CNTN4: variants seen among roughly 807,000 people sequenced by gnomAD.
The protein encoded by CNTN4 is contactin 4, also known as contactin-4.
CNTN4 carries 77 observed loss-of-function variants against 122.5 expected under a neutral mutation model. The ratio of observed to expected loss-of-function variants is 0.63; its 90% confidence interval spans 0.52 to 0.76. The LOEUF is 0.76. Among genes scored for constraint, CNTN4 ranks in the 30% least tolerant of loss-of-function variants. The pLI, the probability that CNTN4 is intolerant of heterozygous loss-of-function variation, is 0.00. For missense variants in CNTN4, 1,256 were observed against 1,259.1 expected (o/e 1.00, Z 0.04); for synonymous variants, 512 against 447.0 (o/e 1.15, Z -1.83).
At chr3:3,015,351 G>C (rs9865585) in intron 14 of CNTN4, among the ~76,000 whole-genome samples, 16,619 of 152,044 alleles carry the variant, frequency 0.11, 928 homozygotes, top group South Asian at 0.15. Context: ...AGACTGTTGG[G>C]GGTGGGGGAG....
At chr3:2,993,977 G>A (rs191004942) in intron 14 of CNTN4, among the ~76,000 whole-genome samples, 1 of 152,300 alleles carries the variant, frequency 6.6e-6, no homozygotes. Flanking sequence ...GATTGAGAGG[G>A]AGGAGGAAAA....
rs754857917 is a variant in CNTN4 at position 2,154,242 on chromosome 3, G to A, written c.-145+53603G>A. On this transcript the variant is annotated intron_variant, in intron 2 of 24. Coordinates refer to ENST00000418658, the MANE Select transcript of CNTN4 (RefSeq NM_175607.3). ...TCTACAAAAAATACAAACATTAACC[G>A]GATGTGGTGGTGGGCGCCTGTAATC... is the stretch of plus-strand genomic sequence containing the variant. Among the ~76,000 whole-genome samples the A allele has an allele frequency of 5.3e-5, 8 of 151,832 alleles. No individual in the cohort carries two copies. The South Asian group carries it at 6.2e-4, about 12-fold the overall frequency.
At position 2,916,168 on chromosome 3, in the gene CNTN4, TTTATG is replaced by T. The variant is rs1317544189; in HGVS notation, c.1208-9454_1208-9450del. On this transcript the variant is annotated intron_variant, in intron 12 of 24. Transcript: ENST00000418658. ...TGTAAACATTGTCAAGATGGTAAATTTTATGTTATGTACTTTTTTTTTCTTTTTCT... is the reference window on the plus strand; with the variant it reads ...TGTAAACATTGTCAAGATGGTAAATTTTATGTACTTTTTTTTTCTTTTTCT... Among the ~76,000 whole-genome samples the T allele has an allele frequency of 3.3e-5, 5 of 152,346 alleles. 1 individual carries two copies. In the South Asian group the frequency reaches 6.2e-4, roughly 19 times the overall value.
intron 6 of CNTN4, among the ~76,000 whole-genome samples, chr3:2,807,512 A>G (rs532414743): frequency 6.6e-6 from 1 of 152,038 alleles, no homozygotes; most frequent in African/African-American, 2.4e-5. Flanking sequence ...TTTAACTGGT[A>G]TACAGCTAAT....
intron 2 of CNTN4, among the ~76,000 whole-genome samples, chr3:2,300,560 CTTTTTTTTTTTTTTTTTT>C (rs575192976): frequency 0.033 from 2,069 of 62,076 alleles, 89 homozygotes; most frequent in African/African-American, 0.11. Context: ...CAGTGACCGT[CTTTTTTTTTTTTTTTTTT>C]TTTTTTTTTT....
Position 2,440,432 on chromosome 3 carries a change from T to G in CNTN4, c.-89+101199T>G, listed in dbSNP as rs967585906. On this transcript the variant is annotated intron_variant, in intron 3 of 24. Transcript: ENST00000418658. The stretch of plus-strand genomic sequence containing the variant: ...GTCATTTGTCATTGTGTGTCTTTGT[T>G]TAGATATGACCTTAATACATATTGT... 7.9e-5 allele frequency among the ~76,000 whole-genome samples: 12 copies of G among 152,298 alleles called. No homozygotes were observed. In the South Asian group the frequency reaches 8.3e-4, roughly 11 times the overall value.
At chr3:2,240,208 A>G (rs1240353436) in intron 2 of CNTN4, among the ~76,000 whole-genome samples, 1 of 152,192 alleles carries the variant, frequency 6.6e-6, no homozygotes, top group African/African-American at 2.4e-5. Flanking sequence ...CCATTTAAAA[A>G]ACTAAATTAT....
chr3:2,230,200 C>G (rs1055230399), intron 2 of CNTN4, among the ~76,000 whole-genome samples: 8 of 152,158 alleles, frequency 5.3e-5, no homozygotes, highest in East Asian at 1.9e-4. Context: ...TATTTTTGCT[C>G]CAGTTTGGAT....
At chr3:2,241,948 C>T (rs1021751779) in intron 2 of CNTN4, among the ~76,000 whole-genome samples, 3 of 152,048 alleles carry the variant, frequency 2.0e-5, no homozygotes, top group African/African-American at 4.8e-5. Context: ...GATAAATCAT[C>T]TCATGTCATC....
At chr3:2,644,892 T>C (rs1473712846) in intron 4 of CNTN4, among the ~76,000 whole-genome samples, 5 of 150,216 alleles carry the variant, frequency 3.3e-5, no homozygotes, top group African/African-American at 4.9e-5. Flanking sequence ...CATCTAGTAT[T>C]ATTCTGCTTG....
At chr3:2,839,454 T>A (rs1314659722) in intron 7 of CNTN4, among the ~76,000 whole-genome samples, 1 of 150,840 alleles carries the variant, frequency 6.6e-6, no homozygotes, top group Non-Finnish European at 1.5e-5. Context: ...CAGAAAGAGG[T>A]CGGATGCTGT....
intron 2 of CNTN4, among the ~76,000 whole-genome samples, chr3:2,140,984 A>ATACAGTCTTCAAAGT (rs2034966595): frequency 6.6e-6 from 1 of 152,228 alleles, no homozygotes; most frequent in South Asian, 2.1e-4. Context: ...CACACTCAGC[A>ATACAGTCTTCAAAGT]TACAGTCTTC....
intron 6 of CNTN4, among the ~76,000 whole-genome samples, chr3:2,815,482 T>C (rs1168745919): frequency 6.6e-6 from 1 of 151,950 alleles, no homozygotes; most frequent in African/African-American, 2.4e-5. Context: ...CCAAAAAACA[T>C]AGGAAAAATG....
chr3:2,892,809 C>T (rs1287029595), intron 10 of CNTN4, among the ~76,000 whole-genome samples: 2 of 152,172 alleles, frequency 1.3e-5, no homozygotes, highest in Non-Finnish European at 2.9e-5. Context: ...TCCAGTAATA[C>T]TTAAGCTGGA....
At chr3:2,276,705 G>A (rs533238069) in intron 2 of CNTN4, among the ~76,000 whole-genome samples, 5 of 152,096 alleles carry the variant, frequency 3.3e-5, no homozygotes, top group African/African-American at 1.2e-4. Flanking sequence ...CACTATACTT[G>A]TAGACCAAGG....
At chr3:2,415,661 T>C (rs1480644352) in intron 3 of CNTN4, among the ~76,000 whole-genome samples, 1 of 152,234 alleles carries the variant, frequency 6.6e-6, no homozygotes, top group African/African-American at 2.4e-5. Context: ...TAATTTCCTT[T>C]GCCTTTTCCT....
intron 8 of CNTN4, among the ~76,000 whole-genome samples, chr3:2,871,198 C>T (rs980219221): frequency 4.6e-5 from 7 of 152,162 alleles, no homozygotes; most frequent in African/African-American, 1.7e-4. Flanking sequence ...TTAGTTTTCT[C>T]ATCAGTAAGA....
intron 4 of CNTN4, among the ~76,000 whole-genome samples, chr3:2,684,885 G>A (rs1486353056): frequency 6.6e-6 from 1 of 152,180 alleles, no homozygotes; most frequent in Non-Finnish European, 1.5e-5. Context: ...GATTTAGGGG[G>A]AGACAAAGAA....
At chr3:2,688,172 A>G (rs978662146) in intron 4 of CNTN4, among the ~76,000 whole-genome samples, 6 of 152,222 alleles carry the variant, frequency 3.9e-5, no homozygotes. Flanking sequence ...AAACTTCTTT[A>G]TTGCAGTTGT....
Sources: gnomAD v4.1 joint callset for allele counts (sites outside exome capture counted in the v4.1 genomes callset) on GRCh38, gnomAD v4.1.1 for gene constraint, MANE v1.5 for transcripts, NCBI Gene and HGNC (gene_info 2026-07-23, HGNC 2026-07-21) for gene names.